ZMAT4: variants seen among roughly 807,000 people sequenced by gnomAD.
ZMAT4 encodes zinc finger matrin-type protein 4.
ZMAT4 carries 17 observed loss-of-function variants against 28.7 expected under a neutral mutation model. The observed-to-expected ratio is 0.59, with a 90% CI of 0.41 to 0.89. ZMAT4 has a LOEUF of 0.89. ZMAT4 is among the 40% of genes least tolerant of loss of function. The pLI, the probability that ZMAT4 is intolerant of heterozygous loss-of-function variation, is 0.00. For synonymous variants in ZMAT4, 117 were observed against 109.2 expected, an observed-to-expected ratio of 1.07 and a Z score of -0.44; for missense variants, 240 against 283.8, an observed-to-expected ratio of 0.85 and a Z score of 1.11.
intron 6 of ZMAT4, among the ~76,000 whole-genome samples, chr8:40,538,092 G>C (rs1563330971): frequency 1.3e-5 from 2 of 152,132 alleles, no homozygotes. Flanking sequence ...ATAGGAGTCG[G>C]ACTTGCCTCA....
intron 4 of ZMAT4, among the ~76,000 whole-genome samples, chr8:40,689,702 GT>G (rs936821033): frequency 6.0e-5 from 9 of 150,746 alleles, no homozygotes; most frequent in East Asian, 2.0e-4. Context: ...TCTGCTTGTA[GT>G]TTTTTTTTGA....
intron 5 of ZMAT4, among the ~76,000 whole-genome samples, chr8:40,654,878 G>A (rs945067231): frequency 6.6e-6 from 1 of 152,086 alleles, no homozygotes; most frequent in South Asian, 2.1e-4. Flanking sequence ...TCCTCCCTAA[G>A]ATCAGAAATA....
intron 2 of ZMAT4, among the ~76,000 whole-genome samples, chr8:40,775,466 A>G (rs1484503354): frequency 1.3e-5 from 2 of 152,218 alleles, no homozygotes; most frequent in Admixed American, 6.5e-5. Context: ...CAGTTGAAGC[A>G]TAAGCTCTGA....
chr8:40,558,009 C>T (rs1290087659), intron 6 of ZMAT4, among the ~76,000 whole-genome samples: 1 of 152,130 alleles, frequency 6.6e-6, no homozygotes, highest in Non-Finnish European at 1.5e-5. Flanking sequence ...CAAGAAGGGG[C>T]TAGTCATGTG....
At chr8:40,752,684 T>C (rs1416281111) in intron 3 of ZMAT4, among the ~76,000 whole-genome samples, 5 of 152,160 alleles carry the variant, frequency 3.3e-5, no homozygotes, top group Admixed American at 1.3e-4. Flanking sequence ...TATTTTTACC[T>C]ACTCAGGTAT....
intron 6 of ZMAT4, among the ~76,000 whole-genome samples, chr8:40,560,203 A>ATG (rs1301666937): frequency 6.7e-6 from 1 of 149,834 alleles, no homozygotes; most frequent in Non-Finnish European, 1.5e-5. Context: ...AACTTTATAT[A>ATG]TATATATATA....
At chr8:40,721,871 G>A (rs903535381) in intron 3 of ZMAT4, among the ~76,000 whole-genome samples, 3 of 151,952 alleles carry the variant, frequency 2.0e-5, no homozygotes, top group African/African-American at 7.3e-5. Context: ...TGTAGATTCT[G>A]GATATACAAC....
intron 3 of ZMAT4, among the ~76,000 whole-genome samples, chr8:40,756,436 A>ATATATATATATAT (rs1812688237): frequency 8.6e-6 from 1 of 116,660 alleles, no homozygotes; most frequent in African/African-American, 3.2e-5. Flanking sequence ...TTATATATAT[A>ATATATATATATAT]TATATATATA....
Position 40,717,295 on chromosome 8 carries a change from C to T in ZMAT4, c.193-19894G>A, listed in dbSNP as rs1298115772. Among the ~76,000 whole-genome samples, 6 of 152,168 alleles carry T rather than the reference C, an allele frequency of 3.9e-5. No individual in the cohort carries two copies. The South Asian group carries it at 1.0e-3, about 26-fold the overall frequency. On this transcript the variant is annotated intron_variant, in intron 3 of 6. Transcript: ENST00000297737. ...ATTGTACAAAAAGGTCAAAACAAAT[C>T]ACATATTTATTAGCTTTTCTGTGTT...
intron 5 of ZMAT4, among the ~76,000 whole-genome samples, chr8:40,601,427 A>AGGAAGGAT (rs1424194858): frequency 2.9e-5 from 3 of 105,196 alleles, no homozygotes; most frequent in Non-Finnish European, 5.5e-5. Flanking sequence ...GAAGGAAGGA[A>AGGAAGGAT]GGAAGGAAGG....
intron 6 of ZMAT4, among the ~76,000 whole-genome samples, chr8:40,541,500 T>C (rs1416009755): frequency 2.0e-5 from 3 of 152,170 alleles, no homozygotes; most frequent in Admixed American, 2.0e-4. Flanking sequence ...TAAAATTAAA[T>C]ACAATTTAAA....
At chr8:40,578,804 T>A (rs1438606442) in intron 6 of ZMAT4, among the ~76,000 whole-genome samples, 2 of 152,194 alleles carry the variant, frequency 1.3e-5, no homozygotes, top group Non-Finnish European at 2.9e-5. Flanking sequence ...ATAAGAGATG[T>A]TCCCTTCTGA....
intron 5 of ZMAT4, among the ~76,000 whole-genome samples, chr8:40,667,147 A>C (rs1015751475): frequency 6.7e-6 from 1 of 149,840 alleles, no homozygotes; most frequent in African/African-American, 2.5e-5. Flanking sequence ...TTTTTTTTTT[A>C]TTTTTTTTAT....
intron 4 of ZMAT4, among the ~76,000 whole-genome samples, chr8:40,691,536 A>G (rs1275944537): frequency 6.6e-6 from 1 of 152,146 alleles, no homozygotes. Context: ...AATTCCACAC[A>G]TGTCTGGGAA....
At chr8:40,817,646 G>T (rs1168726474) in intron 2 of ZMAT4, among the ~76,000 whole-genome samples, 1 of 152,168 alleles carries the variant, frequency 6.6e-6, no homozygotes, top group Non-Finnish European at 1.5e-5. Context: ...GAAAGCAGTA[G>T]TATTTCTCTT....
At chr8:40,724,894 C>G (rs35881213) in intron 3 of ZMAT4, among the ~76,000 whole-genome samples, 1 of 151,976 alleles carries the variant, frequency 6.6e-6, no homozygotes, top group African/African-American at 2.4e-5. Flanking sequence ...CCAGACCTAG[C>G]TGGGATGATA....
chr8:40,814,013 G>C (rs1375425080), intron 2 of ZMAT4, among the ~76,000 whole-genome samples: 2 of 152,198 alleles, frequency 1.3e-5, no homozygotes, highest in Non-Finnish European at 1.5e-5. Flanking sequence ...GGGGGCTGGG[G>C]ACGGGGTGGA....
intron 5 of ZMAT4, among the ~76,000 whole-genome samples, chr8:40,652,149 T>C (rs1807693812): frequency 8.7e-6 from 1 of 115,268 alleles, no homozygotes; most frequent in African/African-American, 2.9e-5. Flanking sequence ...ACAGGCAACC[T>C]ACAAAATGGG....
At chr8:40,536,535 C>T (rs1421253199) in intron 6 of ZMAT4, among the ~76,000 whole-genome samples, 2 of 152,126 alleles carry the variant, frequency 1.3e-5, no homozygotes, top group African/African-American at 2.4e-5. Flanking sequence ...ACTCATTATT[C>T]CTTGCGATTA....
Sources: gnomAD v4.1 joint callset for allele counts (sites outside exome capture counted in the v4.1 genomes callset) on GRCh38, gnomAD v4.1.1 for gene constraint, MANE v1.5 for transcripts, NCBI Gene and HGNC (gene_info 2026-07-23, HGNC 2026-07-21) for gene names.